The following PRR5 variants were observed in gnomAD, a reference collection of about 807,000 sequenced individuals.
The protein encoded by PRR5 is proline-rich protein 5.
PRR5 carries 25 observed loss-of-function variants against 30.6 expected under a neutral mutation model. That is an observed-to-expected ratio of 0.82 (90% CI 0.60 to 1.14). The LOEUF (loss-of-function observed/expected upper bound fraction) is 1.14. PRR5 is among the 50% of genes most tolerant of loss of function. PRR5 has a pLI of 0.00. For missense variants in PRR5, 600 were observed against 547.1 expected, an observed-to-expected ratio of 1.10 and a Z score of -0.96; for synonymous variants, 286 against 247.1, an observed-to-expected ratio of 1.16 and a Z score of -1.48.
Position 44,718,587 on chromosome 22 carries a change from A to G in PRR5, c.215+3916A>G, listed in dbSNP as rs528898286. Among the ~76,000 whole-genome samples the G allele has an allele frequency of 1.1e-3, 160 of 152,236 alleles. 2 individuals carry two copies. The highest frequency in any genetic ancestry group is 3.5e-3 in the African/African-American group (145 of 41,538). On this transcript the variant is annotated intron_variant, in intron 2 of 7. Transcript: ENST00000336985. ...TCTTTGAGGTACTCTTTCCTTTCCC[A>G]CAGTGGCTGTACCATTTCACTGTCC...
Position 44,736,778 on chromosome 22 carries a change from G to A in PRR5, c.698G>A (p.Arg233His), listed in dbSNP as rs113430838. 200 of 1,538,878 alleles carry A rather than the reference G, an allele frequency of 1.3e-4. 1 individual carries two copies. In the African/African-American group the frequency reaches 2.0e-3, roughly 15 times the overall value. ...PFTHSCILEK[R>H]LLRRSRSGDV... The stretch of plus-strand genomic sequence containing the variant: ...TGCCCGTGTCTCTCCCCAGAAAAGC[G>A]CCTCCTCCGCCGCTCCCGCTCGGGG... Residue 233 changes from arginine to histidine, a missense_variant, in exon 8 of 8, where the codon CGC (arginine) becomes CAC (histidine). Arg to His is a conservative substitution (Grantham distance 29). Transcript: ENST00000336985.
upstream of PRR5, among the ~76,000 whole-genome samples, chr22:44,676,263 C>T (rs983629408): frequency 1.3e-5 from 2 of 151,130 alleles, no homozygotes. Context: ...TGGTGGCATG[C>T]ACTTGTGGTC....
chr22:44,726,792 G>A (rs939170329), intron 4 of PRR5, among the ~76,000 whole-genome samples, 158 bp downstream of exon 4: 4 of 152,166 alleles, frequency 2.6e-5, no homozygotes, highest in Non-Finnish European at 4.4e-5. Context: ...CAGCAGGGCC[G>A]AGATCCTTAC....
chr22:44,724,250 A>G (rs1930352703), intron 2 of PRR5, among the ~76,000 whole-genome samples: 1 of 152,202 alleles, frequency 6.6e-6, no homozygotes, highest in Admixed American at 6.5e-5. Flanking sequence ...AGCCTGGCCA[A>G]CATGGTGAAA....
Position 44,709,503 on chromosome 22 carries a change from G to A in PRR5, c.135-5088G>A, listed in dbSNP as rs146340619. ...GGGACAGGTATTTCTCCCCCCGCCC[G>A]AGCCTCCAGAAGGAACGGCCCCACC... On this transcript the variant is annotated intron_variant, in intron 1 of 7. Transcript: ENST00000336985. Among the ~76,000 whole-genome samples, 209 of 152,186 alleles carry A rather than the reference G, an allele frequency of 1.4e-3. 1 individual carries two copies. The highest frequency in any genetic ancestry group is 3.1e-4 in the Non-Finnish European group (21 of 68,010).
intron 1 of PRR5, among the ~76,000 whole-genome samples, chr22:44,684,649 T>C (rs1436648393): frequency 1.3e-5 from 2 of 152,232 alleles, no homozygotes; most frequent in East Asian, 3.9e-4. Context: ...CTGTGCTGCC[T>C]GGTGTTGCCC....
At chr22:44,704,070 A>T (rs914094774) in intron 1 of PRR5, among the ~76,000 whole-genome samples, 52 of 152,242 alleles carry the variant, frequency 3.4e-4, no homozygotes, top group Admixed American at 9.8e-4. Flanking sequence ...AAACGGGCAG[A>T]TAACAGTGCC....
chr22:44,732,345 ATGCCCGTG>A lies in PRR5; in HGVS notation c.515_522del (p.Arg172ProfsTer15). The A allele has an allele frequency of 6.2e-7, 1 of 1,611,808 alleles. No individual in the cohort carries two copies. ...CTAGAGGATGCGCTGGCCCGGGCCC[ATGCCCGTG>A]TGCCCCCTGCCATCGTGCAGATGCT... On this transcript the variant is annotated frameshift_variant, in exon 6 of 8. Coordinates refer to ENST00000336985, the MANE Select transcript of PRR5 (RefSeq NM_181333.4). LOFTEE classifies it high-confidence loss of function.
chr22:44,717,189 C>CTTTTTTT (rs57193514), intron 2 of PRR5, among the ~76,000 whole-genome samples: 1 of 116,756 alleles, frequency 8.6e-6, no homozygotes, highest in Admixed American at 9.9e-5. Flanking sequence ...CCCCCTTACC[C>CTTTTTTT]TTTTTTTTTT....
chr22:44,681,542 C>T (rs1404601535), intron 1 of PRR5, among the ~76,000 whole-genome samples: 3 of 151,114 alleles, frequency 2.0e-5, no homozygotes, highest in Non-Finnish European at 4.4e-5. Flanking sequence ...GAGCCAAGAT[C>T]GCACCACTGC....
chr22:44,676,092 CAAAA>C (rs762366071), upstream of PRR5, among the ~76,000 whole-genome samples: 3 of 151,660 alleles, frequency 2.0e-5, no homozygotes, highest in African/African-American at 4.8e-5. Context: ...AAATCAAAAA[CAAAA>C]AAGAAGGCTG....
Position 44,736,837 on chromosome 22 carries a change from A to G in PRR5, c.757A>G (p.Lys253Glu). Residue 253 changes from lysine to glutamate, a missense_variant, in exon 8 of 8, where the codon AAG becomes GAG. Coordinates refer to ENST00000336985, the MANE Select transcript of PRR5 (RefSeq NM_181333.4). ...GGCCAAGAACCCTGTGGTGCGCTCC[A>G]AGAGCTACAACACGCCTCTGCTGAA... ...VLAKNPVVRS[K>E]SYNTPLLNPV... 1.3e-6 allele frequency: 2 copies of G among 1,599,506 alleles called. No homozygotes were observed. The highest frequency in any genetic ancestry group is 1.7e-6 in the Non-Finnish European group (2 of 1,169,926).
At chr22:44,730,441 G>C in intron 4 of PRR5, 1 of 985,410 alleles carries the variant, frequency 1.0e-6, no homozygotes, top group Non-Finnish European at 1.2e-6. Flanking sequence ...CAGGCAGAAA[G>C]GCCAAGGGTT....
intron 1 of PRR5, among the ~76,000 whole-genome samples, chr22:44,712,522 A>G (rs1928411191): frequency 6.6e-6 from 1 of 152,176 alleles, no homozygotes; most frequent in Admixed American, 6.5e-5. Context: ...GAAGGAGCAC[A>G]GGGGAGTTCA....
chr22:44,735,369 G>A (rs1270215359), intron 7 of PRR5, among the ~76,000 whole-genome samples: 5 of 152,238 alleles, frequency 3.3e-5, no homozygotes, highest in Admixed American at 6.5e-5. Flanking sequence ...CGGTGATGTG[G>A]CAACACCTTG....
intron 1 of PRR5, among the ~76,000 whole-genome samples, chr22:44,678,113 C>A (rs979901717): frequency 1.3e-5 from 2 of 152,268 alleles, no homozygotes; most frequent in Non-Finnish European, 2.9e-5. Context: ...GGGCTGCATG[C>A]GGGCTCTTGA....
At chr22:44,708,642 C>G (rs370693457) in intron 1 of PRR5, among the ~76,000 whole-genome samples, 1 of 152,142 alleles carries the variant, frequency 6.6e-6, no homozygotes, top group African/African-American at 2.4e-5. Flanking sequence ...GCTCAATACT[C>G]CCATTTTGCA....
chr22:44,693,018 C>G (rs779105430), intron 1 of PRR5, among the ~76,000 whole-genome samples: 2 of 152,106 alleles, frequency 1.3e-5, no homozygotes, highest in Non-Finnish European at 2.9e-5. Flanking sequence ...TGCTGAGTGT[C>G]AGGGTGGGAC....
At chr22:44,685,863 G>C (rs1434377692) in intron 1 of PRR5, among the ~76,000 whole-genome samples, 1 of 152,254 alleles carries the variant, frequency 6.6e-6, no homozygotes, top group African/African-American at 2.4e-5. Context: ...TGCCCAGAAA[G>C]ATGGTTCCAC....
Sources: allele counts gnomAD v4.1 joint callset (sites outside exome capture counted in the v4.1 genomes callset), GRCh38; gene constraint gnomAD v4.1.1; transcripts MANE v1.5; gene names NCBI Gene and HGNC (gene_info 2026-07-23, HGNC 2026-07-21).